The following SAMD5 variants were observed in gnomAD, a reference collection of about 807,000 sequenced individuals.
SAMD5 encodes the protein sterile alpha motif domain-containing protein 5.
In SAMD5, 13 loss-of-function variants were observed where a neutral mutation model predicts 11.3. The ratio of observed to expected loss-of-function variants is 1.15; its 90% CI spans 0.75 to 1.83. The LOEUF is 1.83. Ranked by LOEUF, SAMD5 falls within the 40% of genes most tolerant of loss-of-function variation. The pLI, the probability that SAMD5 is intolerant of heterozygous loss-of-function variation, is 0.00. For synonymous variants in SAMD5, 129 were observed against 111.3 expected, an observed-to-expected ratio of 1.16 and a Z score of -1.00; for missense variants, 255 against 239.1, an observed-to-expected ratio of 1.07 and a Z score of -0.44.
At chr6:147,847,173 T>TCCTC in the SAMD5 span, among the ~76,000 whole-genome samples, 3 of 152,040 alleles carry the variant, frequency 2.0e-5, no homozygotes, top group South Asian at 6.2e-4. Flanking sequence ...CCTCCTTCCT[T>TCCTC]CCTCCCTTCC....
intron 1 of SAMD5, among the ~76,000 whole-genome samples, chr6:147,708,522 G>A (rs1283213586): frequency 6.6e-6 from 1 of 152,178 alleles, no homozygotes; most frequent in African/African-American, 2.4e-5. Flanking sequence ...AGCTTATGGT[G>A]CATAAAGACA....
At chr6:147,839,527 A>T in the SAMD5 span, among the ~76,000 whole-genome samples, 1 of 152,174 alleles carries the variant, frequency 6.6e-6, no homozygotes, top group Non-Finnish European at 1.5e-5. Context: ...AGGCAGGTGG[A>T]TGACATGAAG....
the SAMD5 span, among the ~76,000 whole-genome samples, chr6:147,805,395 A>G: frequency 1.3e-5 from 2 of 152,138 alleles, no homozygotes; most frequent in Non-Finnish European, 2.9e-5. Context: ...ACAGGATGTT[A>G]CTCAGTTCTG....
chr6:147,817,967 C>T, the SAMD5 span, among the ~76,000 whole-genome samples: 1 of 152,150 alleles, frequency 6.6e-6, no homozygotes, highest in East Asian at 1.9e-4. Context: ...GAAAAGAAGA[C>T]ACATTTCAGC....
At chr6:147,905,895 T>C in the SAMD5 span, among the ~76,000 whole-genome samples, 4 of 152,220 alleles carry the variant, frequency 2.6e-5, no homozygotes, top group African/African-American at 9.6e-5. Context: ...TGTTTTGATA[T>C]GTTGCAAAGC....
the SAMD5 span, among the ~76,000 whole-genome samples, chr6:147,949,630 C>T: frequency 6.6e-6 from 1 of 152,132 alleles, no homozygotes; most frequent in Non-Finnish European, 1.5e-5. Flanking sequence ...TCTAAAATAT[C>T]GTTATTTTTC....
intron 1 of SAMD5, among the ~76,000 whole-genome samples, chr6:147,697,986 G>A (rs997060164): frequency 6.6e-5 from 10 of 152,142 alleles, no homozygotes; most frequent in South Asian, 2.1e-4. Flanking sequence ...ATGGATTCAG[G>A]ATGAAACTGT....
At chr6:147,930,809 G>C in the SAMD5 span, among the ~76,000 whole-genome samples, 1 of 152,084 alleles carries the variant, frequency 6.6e-6, no homozygotes, top group Non-Finnish European at 1.5e-5. Flanking sequence ...AAGAGAGTGT[G>C]AGCAAAAAAA....
At chr6:147,805,047 G>A in the SAMD5 span, among the ~76,000 whole-genome samples, 1 of 152,148 alleles carries the variant, frequency 6.6e-6, no homozygotes, top group Non-Finnish European at 1.5e-5. Flanking sequence ...CTGAAACATA[G>A]ACCTTAGTGA....
the SAMD5 span, among the ~76,000 whole-genome samples, chr6:147,768,898 A>T: frequency 6.6e-6 from 1 of 152,242 alleles, no homozygotes; most frequent in East Asian, 1.9e-4. Flanking sequence ...GGTTCAAGCG[A>T]TTCTCCTGCC....
rs1583086480 is a variant in SAMD5 at position 147,566,097 on chromosome 6, T to C, written c.*1641T>C. The C allele has an allele frequency of 1.0e-6, 1 of 982,634 alleles. No homozygotes were observed. 60.9% of individuals were successfully genotyped at this position (982,634 alleles called of 1,614,324 possible). On this transcript the variant is annotated 3_prime_UTR_variant, in exon 2 of 2. Transcript: ENST00000367474. ...GTTTCTAAGGACAATTTTAACACAA[T>C]ACTGCTTTAAAAATCTGAAGTTTAA...
At chr6:147,757,234 A>G in the SAMD5 span, among the ~76,000 whole-genome samples, 140 of 152,328 alleles carry the variant, frequency 9.2e-4, no homozygotes, top group African/African-American at 3.2e-3. Flanking sequence ...TCTACAAATC[A>G]TATAAAGTTA....
intron 1 of SAMD5, among the ~76,000 whole-genome samples, chr6:147,691,990 C>CAG (rs1239265508): frequency 2.6e-5 from 4 of 151,912 alleles, no homozygotes; most frequent in Non-Finnish European, 5.9e-5. Flanking sequence ...CACACACACA[C>CAG]ACACCCCCCT....
At chr6:147,666,796 C>T (rs1790728813) in intron 1 of SAMD5, among the ~76,000 whole-genome samples, 2 of 152,194 alleles carry the variant, frequency 1.3e-5, no homozygotes, top group Non-Finnish European at 2.9e-5. Context: ...ATAGCATCCT[C>T]AAATAAGAGT....
intron 1 of SAMD5, among the ~76,000 whole-genome samples, chr6:147,695,222 A>C (rs1019107579): frequency 6.6e-6 from 1 of 152,198 alleles, no homozygotes; most frequent in African/African-American, 2.4e-5. Flanking sequence ...GACTTGTTGA[A>C]ATACTGTTTT....
intron 1 of SAMD5, chr6:147,729,754 A>G (rs765167160): frequency 7.9e-5 from 36 of 456,858 alleles, no homozygotes; most frequent in Non-Finnish European, 1.5e-4. Flanking sequence ...AGGCAGTGGC[A>G]AAGGTTCTGA....
intron 1 of SAMD5, chr6:147,660,842 C>T (rs1034072989): frequency 2.0e-5 from 3 of 152,186 alleles, no homozygotes; most frequent in African/African-American, 7.2e-5. Context: ...AACCTCTTTT[C>T]ATTATAAATT....
chr6:147,590,663 T>G (rs991706124), intron 1 of SAMD5, among the ~76,000 whole-genome samples: 1 of 152,172 alleles, frequency 6.6e-6, no homozygotes, highest in Non-Finnish European at 1.5e-5. Context: ...TCTGCCCGCC[T>G]CAGCCTCCCA....
chr6:147,781,263 C>T, the SAMD5 span, among the ~76,000 whole-genome samples: 150 of 151,578 alleles, frequency 9.9e-4, no homozygotes, highest in Admixed American at 2.4e-3. Flanking sequence ...TCAAGTGATC[C>T]TCCTACCTCA....
Sources: allele counts gnomAD v4.1 joint callset (sites outside exome capture counted in the v4.1 genomes callset), GRCh38; gene constraint gnomAD v4.1.1; transcripts MANE v1.5; gene names NCBI Gene and HGNC (gene_info 2026-07-23, HGNC 2026-07-21).